EYS: variants seen among roughly 807,000 people sequenced by gnomAD.
EYS encodes protein eyes shut homolog.
Under a neutral mutation model 282.1 loss-of-function variants are expected in EYS, and 250 were observed. The observed-to-expected ratio is 0.89, with a 90% confidence interval of 0.80 to 0.98. EYS has a LOEUF of 0.98. EYS is among the 50% of genes least tolerant of loss of function. The pLI, the probability that EYS is intolerant of heterozygous loss-of-function variation, is 0.00. For synonymous variants in EYS, 1,355 were observed against 1,282.9 expected (o/e 1.06, Z -1.20); for missense variants, 4,016 against 3,709.0 (o/e 1.08, Z -2.15).
At chr6:64,079,720 C>A (rs527931931) in intron 32 of EYS, among the ~76,000 whole-genome samples, 1 of 152,172 alleles carries the variant, frequency 6.6e-6, no homozygotes, top group South Asian at 2.1e-4. Context: ...TATCGCTCCC[C>A]GCTCCCCTGA....
intron 30 of EYS, among the ~76,000 whole-genome samples, chr6:64,275,451 C>CTTTTTTT (rs367970233): frequency 2.9e-5 from 4 of 140,342 alleles, no homozygotes; most frequent in Non-Finnish European, 6.1e-5. Flanking sequence ...TGTTCTATTT[C>CTTTTTTT]TTTTTTTTTT....
chr6:64,125,717 C>T (rs141753031), intron 31 of EYS, among the ~76,000 whole-genome samples: 5,082 of 140,890 alleles, frequency 0.036, 262 homozygotes, highest in African/African-American at 0.12. Flanking sequence ...ACCCGGGAGG[C>T]GGAGCTTGCA....
intron 26 of EYS, among the ~76,000 whole-genome samples, chr6:64,483,825 T>G (rs1358658273): frequency 6.6e-6 from 1 of 151,676 alleles, no homozygotes; most frequent in Non-Finnish European, 1.5e-5. Context: ...TTTATTTTAT[T>G]TCAGACTTTA....
intron 35 of EYS, among the ~76,000 whole-genome samples, chr6:63,931,226 C>T (rs567001173): frequency 7.2e-5 from 11 of 152,320 alleles, no homozygotes; most frequent in African/African-American, 2.4e-4. Context: ...CATACATCTG[C>T]TTTCCACCTT....
At chr6:64,314,714 T>C (rs1218444207) in intron 29 of EYS, among the ~76,000 whole-genome samples, 1 of 152,130 alleles carries the variant, frequency 6.6e-6, no homozygotes. Flanking sequence ...CAAATAAAGA[T>C]GTTCTTTGAA....
At chr6:65,349,750 T>C (rs1770530285) in intron 9 of EYS, among the ~76,000 whole-genome samples, 1 of 151,400 alleles carries the variant, frequency 6.6e-6, no homozygotes, top group Admixed American at 6.6e-5. Context: ...TGTATGGTAG[T>C]GTGTAAATCA....
intron 9 of EYS, among the ~76,000 whole-genome samples, chr6:65,347,103 C>T (rs1164112807): frequency 6.6e-6 from 1 of 151,818 alleles, no homozygotes; most frequent in Non-Finnish European, 1.5e-5. Context: ...TATTGCAAAA[C>T]TATCCCACTT....
At chr6:65,041,366 G>A (rs1413804090) in intron 13 of EYS, among the ~76,000 whole-genome samples, 1 of 151,560 alleles carries the variant, frequency 6.6e-6, no homozygotes, top group Non-Finnish European at 1.5e-5. Flanking sequence ...GTTAAGATAT[G>A]TCCTCATGAT....
chr6:64,950,802 T>TAC (rs1554220921), intron 14 of EYS, among the ~76,000 whole-genome samples: 1 of 78,298 alleles, frequency 1.3e-5, no homozygotes, highest in Non-Finnish European at 2.7e-5. Context: ...CATATACATA[T>TAC]ATATATATAT....
intron 22 of EYS, among the ~76,000 whole-genome samples, chr6:64,752,947 T>C (rs1288361579): frequency 2.6e-5 from 4 of 152,110 alleles, no homozygotes; most frequent in Non-Finnish European, 5.9e-5. Context: ...TGGCCCTATG[T>C]TCAGTCTTAA....
chr6:64,016,429 T>C (rs553519975), intron 33 of EYS, among the ~76,000 whole-genome samples: 1 of 152,056 alleles, frequency 6.6e-6, no homozygotes, highest in East Asian at 1.9e-4. Flanking sequence ...TGCTGGGTTA[T>C]AAACCTGTAC....
intron 22 of EYS, among the ~76,000 whole-genome samples, chr6:64,646,265 A>G (rs1768346159): frequency 6.6e-6 from 1 of 152,122 alleles, no homozygotes; most frequent in Non-Finnish European, 1.5e-5. Flanking sequence ...TGAGTTGTGG[A>G]TGGGCTGTCA....
At position 65,379,454 on chromosome 6, in the gene EYS, G is replaced by T. The variant is rs1582213855; in HGVS notation, c.1299+4932C>A. ...AAAACTCTCAATAAACTAGGTGTTG[G>T]TGGAACATATATCAAAATAATAAGG... On this transcript the variant is annotated intron_variant, in intron 8 of 42. Coordinates refer to ENST00000503581, the MANE Select transcript of EYS (RefSeq NM_001142800.2). 2.0e-5 allele frequency among the ~76,000 whole-genome samples: 3 copies of T among 151,862 alleles called. No homozygotes were observed. In the South Asian group the frequency reaches 6.2e-4, roughly 31 times the overall value.
intron 31 of EYS, among the ~76,000 whole-genome samples, chr6:64,108,909 A>G (rs1213083643): frequency 1.3e-5 from 2 of 152,056 alleles, no homozygotes; most frequent in Non-Finnish European, 2.9e-5. Flanking sequence ...ATGTATTTTG[A>G]CCTTAAATAC....
In EYS at chr6:65,402,547, G is replaced by T; in HGVS notation, c.1115C>A (p.Thr372Lys). Residue 372 changes from threonine (T) to lysine (K), a missense_variant, in exon 7 of 43, where the codon ACA (threonine) becomes AAA (lysine). Transcript: ENST00000503581. ...FTDLLCKSIQ[T>K]SCESFPLRNN... ...CCTCAAAGGAAATGACTCACATGAT[G>T]TTTGAATGCTCTTACAAAGCAAATC... 6.4e-7 allele frequency: 1 copy of T among 1,568,626 alleles called. No individual in the cohort carries two copies. Among genetic ancestry groups the T allele is most frequent in the Non-Finnish European group, 8.8e-7 (1 of 1,139,498 alleles).
At chr6:65,097,670 TGAA>T (rs1774777813) in intron 12 of EYS, among the ~76,000 whole-genome samples, 1 of 150,812 alleles carries the variant, frequency 6.6e-6, no homozygotes, top group South Asian at 2.1e-4. Flanking sequence ...TATTCAGTCT[TGAA>T]GAAGAAGGAA....
At chr6:63,778,986 A>G (rs2149664773) in intron 39 of EYS, among the ~76,000 whole-genome samples, 1 of 151,978 alleles carries the variant, frequency 6.6e-6, no homozygotes, top group Non-Finnish European at 1.5e-5. Flanking sequence ...GAGTCTCCTT[A>G]TATAATGAGG....
At chr6:64,365,329 T>C (rs879731770) in intron 29 of EYS, among the ~76,000 whole-genome samples, 4 of 151,942 alleles carry the variant, frequency 2.6e-5, no homozygotes, top group Non-Finnish European at 4.4e-5. Flanking sequence ...TACATCTCTA[T>C]AGTTTGAAGC....
At chr6:65,353,013 A>G (rs1009114822) in intron 9 of EYS, among the ~76,000 whole-genome samples, 1 of 151,800 alleles carries the variant, frequency 6.6e-6, no homozygotes, top group African/African-American at 2.4e-5. Context: ...TCATTTTCTC[A>G]TGGAAACCTT....
Sources: allele counts gnomAD v4.1 joint callset (sites outside exome capture counted in the v4.1 genomes callset), GRCh38; gene constraint gnomAD v4.1.1; transcripts MANE v1.5; gene names NCBI Gene and HGNC (gene_info 2026-07-23, HGNC 2026-07-21).